Variants in ABCA4 observed in about 807,000 individuals in gnomAD.
ABCA4 encodes the protein retinal-specific phospholipid-transporting ATPase ABCA4.
Under a neutral mutation model 263.7 loss-of-function variants are expected in ABCA4, and 196 were observed. The ratio of observed to expected loss-of-function variants is 0.74; its 90% CI spans 0.66 to 0.84. The LOEUF (loss-of-function observed/expected upper bound fraction) is 0.84, where lower values mean the gene tolerates loss of function less well. Ranked by LOEUF, ABCA4 falls within the 40% of genes least tolerant of loss-of-function variation. ABCA4 has a pLI of 0.00. For synonymous variants in ABCA4, 1,133 were observed against 1,094.2 expected (o/e 1.04, Z -0.70); for missense variants, 2,792 against 2,855.1 (o/e 0.98, Z 0.50).
intron 21 of ABCA4, 133 bp from the exon 22 acceptor site, chr1:94,043,031 G>A (rs945746513): frequency 8.2e-6 from 11 of 1,335,658 alleles, no homozygotes; most frequent in South Asian, 2.4e-5. Flanking sequence ...TGTTTATAGC[G>A]TTCAAAGCCC....
intron 19 of ABCA4, among the ~76,000 whole-genome samples, chr1:94,046,447 T>TAGGAAGAC (rs1557780296): frequency 3.2e-5 from 4 of 123,292 alleles, no homozygotes; most frequent in East Asian, 2.4e-4. Flanking sequence ...GGGTAATGGT[T>TAGGAAGAC]ACTATCTCAA....
intron 36 of ABCA4, among the ~76,000 whole-genome samples, chr1:94,019,082 T>C (rs904322658): frequency 6.8e-6 from 1 of 146,840 alleles, no homozygotes; most frequent in African/African-American, 2.5e-5. Context: ...TGAAGTAGCA[T>C]ATGCTTATAC....
chr1:93,998,327 G>A (rs547409376), intron 47 of ABCA4, among the ~76,000 whole-genome samples: 1 of 152,048 alleles, frequency 6.6e-6, no homozygotes, highest in South Asian at 2.1e-4. Context: ...CTGTCTCTAC[G>A]AAAATTAGCA....
intron 4 of ABCA4, among the ~76,000 whole-genome samples, chr1:94,104,410 C>G (rs116146611): frequency 2.0e-5 from 3 of 152,198 alleles, no homozygotes; most frequent in Non-Finnish European, 2.9e-5. Context: ...CCACGGCATC[C>G]CATCCTCTTC....
chr1:94,064,362 C>G (rs992376104), intron 11 of ABCA4, among the ~76,000 whole-genome samples: 1 of 152,166 alleles, frequency 6.6e-6, no homozygotes, highest in Non-Finnish European at 1.5e-5. Flanking sequence ...GGAAGCCCAG[C>G]GGAGGGACGC....
chr1:94,077,520 T>C (rs1661567281), intron 11 of ABCA4, among the ~76,000 whole-genome samples, 170 bp downstream of exon 11: 1 of 152,188 alleles, frequency 6.6e-6, no homozygotes, highest in African/African-American at 2.4e-5. Flanking sequence ...GTTTTAAGTA[T>C]GGATAAGCTG....
chr1:94,056,414 T>C (rs943326809), intron 15 of ABCA4, among the ~76,000 whole-genome samples, 187 bp downstream of exon 15: 15 of 152,210 alleles, frequency 9.9e-5, no homozygotes, highest in African/African-American at 3.6e-4. Flanking sequence ...GAGGAGTCAC[T>C]GTTGCATCGC....
chr1:94,037,069 T>C, intron 25 of ABCA4, 76 bp downstream of exon 25: 1 of 1,482,584 alleles, frequency 6.7e-7, no homozygotes, highest in Non-Finnish European at 9.4e-7. Flanking sequence ...TACAAAACTT[T>C]GCTCTAATGT....
At chr1:94,001,725 C>T in intron 45 of ABCA4, 133 bp downstream of exon 45, 1 of 1,326,244 alleles carries the variant, frequency 7.5e-7, no homozygotes. Flanking sequence ...TCAAAATGAG[C>T]AACACAGGAA....
At chr1:94,068,632 T>A (rs960140574) in intron 11 of ABCA4, among the ~76,000 whole-genome samples, 2 of 152,186 alleles carry the variant, frequency 1.3e-5, no homozygotes, top group East Asian at 3.8e-4. Flanking sequence ...ATATAGTAGG[T>A]TCTATGAGGC....
Position 94,003,656 on chromosome 1 carries a change from C to T in ABCA4, c.6148-1664G>A, listed in dbSNP as rs116425762. On this transcript the variant is annotated intron_variant, in intron 44 of 49. Coordinates refer to ENST00000370225, the MANE Select transcript of ABCA4 (RefSeq NM_000350.3). ...ATTATATTATTATTATTTTAAGAGACAGAGTCTTGCTCTGTTTCCCAGGCT... is the reference window on the plus strand; with the variant it reads ...ATTATATTATTATTATTTTAAGAGATAGAGTCTTGCTCTGTTTCCCAGGCT... Among the ~76,000 whole-genome samples, 1,435 of 152,232 alleles carry T rather than the reference C, an allele frequency of 9.4e-3. 15 individuals carry two copies. The highest frequency in any genetic ancestry group is 0.026 in the African/African-American group (1,070 of 41,548).
chr1:94,094,173 C>G (rs1263691174), intron 6 of ABCA4, among the ~76,000 whole-genome samples: 2 of 152,134 alleles, frequency 1.3e-5, no homozygotes, highest in Non-Finnish European at 1.5e-5. Context: ...CAATATCCAC[C>G]CGAAAGTTGA....
chr1:94,021,991 A>G lies in ABCA4; in HGVS notation c.4668-40T>C, dbSNP rs370037474. 12 of 1,534,128 alleles carry G rather than the reference A, an allele frequency of 7.8e-6. No individual in the cohort carries two copies. The African/African-American group carries it at 1.2e-4, about 16-fold the overall frequency. On this transcript the variant is annotated intron_variant, in intron 32 of 49. Coordinates refer to ENST00000370225, the MANE Select transcript of ABCA4 (RefSeq NM_000350.3). The stretch of plus-strand genomic sequence containing the variant: ...GGAAATCCTCAGACCAGGGCCACGA[A>G]CTTCACGCCTACTAGTAGCTCTCTC...
intron 6 of ABCA4, among the ~76,000 whole-genome samples, chr1:94,090,998 G>A (rs77202207): frequency 0.011 from 1,647 of 152,234 alleles, 31 homozygotes; most frequent in African/African-American, 0.038. Flanking sequence ...TGAGGACAGT[G>A]TCTGTCAGTA....
chr1:94,038,647 T>C (rs1286510403), intron 24 of ABCA4, among the ~76,000 whole-genome samples: 1 of 152,202 alleles, frequency 6.6e-6, no homozygotes, highest in Non-Finnish European at 1.5e-5. Flanking sequence ...TCTGCCCTAA[T>C]AGCTCTCCAG....
At chr1:94,021,573 G>A in intron 34 of ABCA4, 67 bp downstream of exon 34, 1 of 1,525,268 alleles carries the variant, frequency 6.6e-7, no homozygotes, top group Non-Finnish European at 9.0e-7. Context: ...AGGTAGGAAA[G>A]TAAAAATAAA....
chr1:94,078,092 T>C (rs1406762633), intron 10 of ABCA4, among the ~76,000 whole-genome samples: 1 of 152,152 alleles, frequency 6.6e-6, no homozygotes, highest in Non-Finnish European at 1.5e-5. Context: ...AGAGGGAAGA[T>C]GTGTAGGGGC....
intron 6 of ABCA4, among the ~76,000 whole-genome samples, chr1:94,085,313 CATGGG>C (rs1475651139): frequency 2.6e-5 from 4 of 152,146 alleles, no homozygotes; most frequent in Non-Finnish European, 5.9e-5. Context: ...GTGATAGATC[CATGGG>C]AGCTCATTTT....
rs1314077859 is a variant in ABCA4 at position 94,047,008 on chromosome 1, C to T, written c.2829G>A (p.Arg943=). 1 of 1,614,164 alleles carries T rather than the reference C, an allele frequency of 6.2e-7. No individual in the cohort carries two copies. The highest frequency in any genetic ancestry group is 1.7e-5 in the Admixed American group (1 of 60,026). The change falls in exon 19 of 50, where the codon CGG becomes CGA. Residue 943 remains arginine (R), a synonymous_variant. Coordinates refer to ENST00000370225, the MANE Select transcript of ABCA4 (RefSeq NM_000350.3). The part of the protein sequence containing the change: ...NLVKIFEPCG[R]PAVDRLNITF... Reference sequence around the variant, plus strand: ...TGATGTTCAGACGGTCCACAGCTGGCCGGCCACAGGGCTCAAAAATCTTTA... The same window carrying T: ...TGATGTTCAGACGGTCCACAGCTGGTCGGCCACAGGGCTCAAAAATCTTTA...
Sources: allele counts gnomAD v4.1 joint callset (sites outside exome capture counted in the v4.1 genomes callset), GRCh38; gene constraint gnomAD v4.1.1; transcripts MANE v1.5; gene names NCBI Gene and HGNC (gene_info 2026-07-23, HGNC 2026-07-21).